The following SBNO2 variants were observed in gnomAD, a reference collection of about 807,000 sequenced individuals.
SBNO2 encodes protein strawberry notch homolog 2.
SBNO2 carries 89 observed loss-of-function variants against 146.3 expected under a neutral mutation model. The ratio of observed to expected loss-of-function variants is 0.61; its 90% confidence interval spans 0.51 to 0.73. The LOEUF is 0.73. Ranked by LOEUF, SBNO2 falls within the 30% of genes least tolerant of loss-of-function variation. SBNO2 has a pLI of 0.00. For missense variants in SBNO2, 2,092 were observed against 2,003.7 expected (o/e 1.04, Z -0.84); for synonymous variants, 1,147 against 892.6 (o/e 1.29, Z -5.08).
At chr19:1,132,300 A>G (rs1299101342) in intron 4 of SBNO2, 16 of 1,312,956 alleles carry the variant, frequency 1.2e-5, no homozygotes, top group Non-Finnish European at 1.6e-5. Context: ...GCCGGCGCCT[A>G]CTTCCTCTAA....
chr19:1,109,369 A>G lies in SBNO2; in HGVS notation c.3271T>C (p.Phe1091Leu). 1.3e-6 allele frequency: 2 copies of G among 1,582,456 alleles called. No individual in the cohort carries two copies. Among genetic ancestry groups the G allele is most frequent in the Non-Finnish European group, 1.7e-6 (2 of 1,165,256 alleles). The change falls in exon 29 of 32, where the codon TTC becomes CTC. Residue 1091 changes from phenylalanine (F) to leucine (L), a missense_variant. Phe to Leu is a conservative substitution (Grantham distance 22). Coordinates refer to ENST00000361757, the MANE Select transcript of SBNO2 (RefSeq NM_014963.3). The surrounding 1 kb of genome is among the most constrained non-coding windows in gnomAD (Gnocchi z 4.2). ...LLAEQNRGQF[F>L]TVYKPNIGRQ... is the part of the protein sequence containing the mutation. Reference sequence around the variant, plus strand: ...CCGATGTTGGGCTTGTACACCGTGAAGAACTGGCCGCGGTTCTGCTCCGCC... The same window carrying G: ...CCGATGTTGGGCTTGTACACCGTGAGGAACTGGCCGCGGTTCTGCTCCGCC...
chr19:1,113,680 T>A lies in SBNO2; in HGVS notation c.2102A>T (p.Asp701Val), dbSNP rs762419667. Residue 701 changes from aspartate to valine, a missense_variant, in exon 19 of 32, where the codon GAC becomes GTC. Asp to Val is a radical substitution (Grantham distance 152). Coordinates refer to ENST00000361757, the MANE Select transcript of SBNO2 (RefSeq NM_014963.3). ...DRGPLCLLQR[D>V]PHGPGVLERV... Reference sequence around the variant, plus strand: ...CTCCAGGACCCCGGGGCCATGCGGGTCTCTCTGCAGGAGGCACAGGGGTCC... The same window carrying A: ...CTCCAGGACCCCGGGGCCATGCGGGACTCTCTGCAGGAGGCACAGGGGTCC... 1 of 1,589,276 alleles carries A rather than the reference T, an allele frequency of 6.3e-7. No homozygotes were observed. The highest frequency in any genetic ancestry group is 8.6e-7 in the Non-Finnish European group (1 of 1,169,086).
In SBNO2 at chr19:1,150,900, C is replaced by T. The variant is rs916796402; in HGVS notation, c.94-1458G>A. ...AAAGCCCTCGGGGTGACCGCTGCCCCGCTCCTCCAGCTTTTGCATAAAATA... is the reference window on the plus strand; with the variant it reads ...AAAGCCCTCGGGGTGACCGCTGCCCTGCTCCTCCAGCTTTTGCATAAAATA... On this transcript the variant is annotated intron_variant, in intron 2 of 31. Transcript: ENST00000361757. This position sits in a 1 kb window ranked among gnomAD's most constrained non-coding sequence, Gnocchi z 6.2. Among the ~76,000 whole-genome samples the T allele has an allele frequency of 2.0e-5, 3 of 152,190 alleles. No homozygotes were observed. Among genetic ancestry groups the T allele is most frequent in the African/African-American group, 2.4e-5 (1 of 41,456 alleles).
chr19:1,171,164 T>C (rs1382516264), intron 1 of SBNO2, among the ~76,000 whole-genome samples: 2 of 150,810 alleles, frequency 1.3e-5, no homozygotes, highest in African/African-American at 2.4e-5. Context: ...CACACGCGTA[T>C]GAAACACACG....
chr19:1,172,780 C>CA (rs963171198), intron 1 of SBNO2, among the ~76,000 whole-genome samples: 2 of 80,510 alleles, frequency 2.5e-5, no homozygotes, highest in East Asian at 5.5e-4. Flanking sequence ...CTGCAACCGC[C>CA]CCCCCCGCCC....
At chr19:1,161,084 C>T (rs1373003448) in intron 1 of SBNO2, among the ~76,000 whole-genome samples, 13 of 97,018 alleles carry the variant, frequency 1.3e-4, no homozygotes, top group East Asian at 2.9e-4. Flanking sequence ...GGTGCCTGAG[C>T]ACTGGAGGCT....
rs564517679 is a variant in SBNO2 at position 1,150,326 on chromosome 19, G to A, written c.94-884C>T. On this transcript the variant is annotated intron_variant, in intron 2 of 31. Transcript: ENST00000361757. The surrounding 1 kb of genome is among the most constrained non-coding windows in gnomAD (Gnocchi z 6.2). ...CAGCGGGCCCAGGGTCAGCACCTGC[G>A]GCTTCGGGGGCAGGGCTGTGGACAC... Among the ~76,000 whole-genome samples the A allele has an allele frequency of 3.0e-4, 45 of 152,104 alleles. No individual in the cohort carries two copies. Among genetic ancestry groups the A allele is most frequent in the African/African-American group, 7.0e-4 (29 of 41,418 alleles).
intron 4 of SBNO2, among the ~76,000 whole-genome samples, chr19:1,131,049 C>T (rs1183691612): frequency 6.6e-6 from 1 of 152,184 alleles, no homozygotes; most frequent in Admixed American, 6.5e-5. Context: ...CCAGCTCCCC[C>T]CACAGTGGCT....
rs1238802279 is a variant in SBNO2, at chr19:1,112,172, C to T, written c.2628+17G>A. On this transcript the variant is annotated intron_variant, in intron 22 of 31. Coordinates refer to ENST00000361757, the MANE Select transcript of SBNO2 (RefSeq NM_014963.3). This position sits in a 1 kb window ranked among gnomAD's most constrained non-coding sequence, Gnocchi z 5.9. ...TGGGCCTGTCCCTGGTTCTCAGCCC[C>T]ACCCCCACCTGCTCACCAGACTCTC... 4 of 1,583,658 alleles carry T rather than the reference C, an allele frequency of 2.5e-6. 1 individual carries two copies. The South Asian group carries it at 3.4e-5, about 14-fold the overall frequency.
chr19:1,141,981 C>T (rs2080141732), intron 4 of SBNO2, among the ~76,000 whole-genome samples: 1 of 150,036 alleles, frequency 6.7e-6, no homozygotes, highest in Non-Finnish European at 1.5e-5. Flanking sequence ...CACAGTGGCC[C>T]TACTCGGAGT....
chr19:1,140,890 C>T lies in SBNO2; in HGVS notation c.279+6419G>A, dbSNP rs564055137. 6.6e-6 allele frequency among the ~76,000 whole-genome samples: 1 copy of T among 152,280 alleles called. No homozygotes were observed. Among genetic ancestry groups the T allele is most frequent in the East Asian group, 1.9e-4 (1 of 5,166 alleles). ...CAGCATCAGCACAACACGCGCAACG[C>T]CAGGCACTCCGGTCCACGCCGCACT... On this transcript the variant is annotated intron_variant, in intron 4 of 31. Transcript: ENST00000361757. The surrounding 1 kb of genome is among the most constrained non-coding windows in gnomAD (Gnocchi z 4.4).
chr19:1,109,149 G>A lies in SBNO2; in HGVS notation c.3411C>T (p.Cys1137=), dbSNP rs1330231305. 4 of 1,554,362 alleles carry A rather than the reference G, an allele frequency of 2.6e-6. No individual in the cohort carries two copies. In the African/African-American group the frequency reaches 4.1e-5, roughly 16 times the overall value. ...CCCGCCCTCACCAGGCGCTGTGGCT[G>A]CAGTGCGTCAGCGACAAAGCGTAGC... is the stretch of plus-strand genomic sequence containing the variant. ...ESGYALSLTH[C]SHSAWNRHCR... is the part of the protein sequence containing the mutation. The change falls in exon 30 of 32, where the codon TGC becomes TGT. Residue 1137 remains cysteine (C), a synonymous_variant. Coordinates refer to ENST00000361757, the MANE Select transcript of SBNO2 (RefSeq NM_014963.3). The surrounding 1 kb of genome is among the most constrained non-coding windows in gnomAD (Gnocchi z 4.2).
Position 1,157,371 on chromosome 19 carries a change from CCTCTGCCACGCAGCCCCGGAGACG to C in SBNO2, c.-126-2993_-126-2970del. Among the ~76,000 whole-genome samples, 3 of 141,306 alleles carry C rather than the reference CCTCTGCCACGCAGCCCCGGAGACG, an allele frequency of 2.1e-5. No homozygotes were observed. The South Asian group carries it at 6.9e-4, about 33-fold the overall frequency. 92.7% of individuals were successfully genotyped at this position (141,306 alleles called of 152,430 possible). On this transcript the variant is annotated intron_variant, in intron 1 of 31. Coordinates refer to ENST00000361757, the MANE Select transcript of SBNO2 (RefSeq NM_014963.3). The surrounding 1 kb of genome is among the most constrained non-coding windows in gnomAD (Gnocchi z 6.8). The stretch of plus-strand genomic sequence containing the variant: ...GCTCTCCCCACGCGGCCCCGGAGAC[CCTCTGCCACGCAGCCCCGGAGACG>C]CTCTCCCCACGCGGCCCCGGAGACC...
chr19:1,108,124 GAGC>G lies in SBNO2; in HGVS notation c.*93_*95del. 4 of 1,317,866 alleles carry G rather than the reference GAGC, an allele frequency of 3.0e-6. No homozygotes were observed. The allele number at this position is 1,317,866 out of a possible 1,614,324, so 81.6% of individuals were successfully genotyped here. A position where few individuals can be genotyped will look rare whatever the true frequency, so the allele number is the denominator to read the frequency against. ...TGCGGCCAGGGCCTAGGGCTCCTCT[GAGC>G]AGTGGTCAGGGGACCTTGGCCCTGC... On this transcript the variant is annotated 3_prime_UTR_variant, in exon 32 of 32. Transcript: ENST00000361757.
intron 1 of SBNO2, among the ~76,000 whole-genome samples, chr19:1,155,792 CGG>C (rs2080284842): frequency 2.6e-5 from 4 of 152,312 alleles, no homozygotes; most frequent in Admixed American, 2.6e-4. Context: ...CTGCTGATAC[CGG>C]GGTCCCCATC....
chr19:1,112,005 A>G lies in SBNO2; in HGVS notation c.2691T>C (p.Phe897=), dbSNP rs1168829734. The change falls in exon 23 of 32, where the codon TTT becomes TTC. Residue 897 remains phenylalanine (F), a synonymous_variant. Transcript: ENST00000361757. This position sits in a 1 kb window ranked among gnomAD's most constrained non-coding sequence, Gnocchi z 5.9. ...GCCTTCCCTGCAGTACCTTGTTCTC[A>G]AAGTTGTACTTGCTGAGGTCACGGG... is the stretch of plus-strand genomic sequence containing the variant. ...TESRDLSKYN[F]ENKYGTRALH... is the part of the protein sequence containing the mutation. 4 of 1,608,902 alleles carry G rather than the reference A, an allele frequency of 2.5e-6. No homozygotes were observed. In the South Asian group the frequency reaches 3.3e-5, roughly 13 times the overall value.
At chr19:1,165,884 C>CTAGATCT (rs2080413201) in intron 1 of SBNO2, among the ~76,000 whole-genome samples, 4 of 56,658 alleles carry the variant, frequency 7.1e-5, no homozygotes, top group Admixed American at 2.0e-4. Context: ...ACCCCAGATC[C>CTAGATCT]CAGACCCCAG....
At chr19:1,151,707 G>A (rs1031042457) in intron 2 of SBNO2, among the ~76,000 whole-genome samples, 3 of 152,162 alleles carry the variant, frequency 2.0e-5, no homozygotes, top group African/African-American at 4.8e-5. Context: ...CTGTCACCCA[G>A]GCTGAAGTGC....
rs571641145 is a variant in SBNO2, at chr19:1,136,074, C to T, written c.280-8309G>A. ...GTGTTCTGTGCCTGGTGTCCTCATT[C>T]GAAGGAGACACAGTCCCGGGGAGGA... On this transcript the variant is annotated intron_variant, in intron 4 of 31. Coordinates refer to ENST00000361757, the MANE Select transcript of SBNO2 (RefSeq NM_014963.3). This position sits in a 1 kb window ranked among gnomAD's most constrained non-coding sequence, Gnocchi z 4.2. Among the ~76,000 whole-genome samples, 14 of 152,074 alleles carry T rather than the reference C, an allele frequency of 9.2e-5. No homozygotes were observed. Among genetic ancestry groups the T allele is most frequent in the South Asian group, 6.2e-4 (3 of 4,810 alleles).
Sources: allele counts gnomAD v4.1 joint callset (sites outside exome capture counted in the v4.1 genomes callset), GRCh38; gene constraint gnomAD v4.1.1; non-coding constraint Gnocchi (gnomAD v3.1); transcripts MANE v1.5; gene names NCBI Gene and HGNC (gene_info 2026-07-23, HGNC 2026-07-21).